Variants in TAFA4 observed in about 807,000 individuals in gnomAD.
TAFA4 encodes chemokine-like protein TAFA-4.
A neutral mutation model predicts 21.1 loss-of-function variants in TAFA4; 20 were observed. The observed-to-expected ratio is 0.95, with a 90% CI of 0.67 to 1.38. TAFA4 has a LOEUF of 1.38. Among genes scored for constraint, TAFA4 ranks in the 40% most tolerant of loss-of-function variants. The probability of loss-of-function intolerance (pLI) is 0.00; values close to 1 mark genes in which losing one functional copy is unlikely to be tolerated. For synonymous variants in TAFA4, 71 were observed against 67.4 expected, an observed-to-expected ratio of 1.05 and a Z score of -0.26; for missense variants, 211 against 180.9, an observed-to-expected ratio of 1.17 and a Z score of -0.95.
intron 1 of TAFA4, among the ~76,000 whole-genome samples, chr3:68,905,680 G>A (rs1422446713): frequency 1.3e-5 from 2 of 152,100 alleles, no homozygotes; most frequent in Non-Finnish European, 2.9e-5. Context: ...TTAAGCAGTG[G>A]GAACAGCATG....
intron 3 of TAFA4, among the ~76,000 whole-genome samples, chr3:68,775,240 G>T (rs1703028301): frequency 6.6e-6 from 1 of 152,184 alleles, no homozygotes; most frequent in African/African-American, 2.4e-5. Context: ...TCCACTGGGT[G>T]CTCATGAGAA....
intron 1 of TAFA4, among the ~76,000 whole-genome samples, chr3:68,902,588 G>A (rs1467192787): frequency 3.9e-5 from 6 of 152,026 alleles, no homozygotes; most frequent in East Asian, 1.9e-4. Flanking sequence ...GGCTGGTCTC[G>A]AATTCCTGGG....
chr3:68,770,057 C>T (rs1189746694), intron 3 of TAFA4, among the ~76,000 whole-genome samples: 2 of 151,802 alleles, frequency 1.3e-5, no homozygotes, highest in African/African-American at 4.9e-5. Flanking sequence ...GGACTATGCC[C>T]AACCTCCAAG....
intron 3 of TAFA4, among the ~76,000 whole-genome samples, chr3:68,858,436 G>A (rs1018484345): frequency 6.6e-6 from 1 of 151,994 alleles, no homozygotes; most frequent in African/African-American, 2.4e-5. Context: ...AATGTTACTT[G>A]CTTTTCCCAA....
chr3:68,866,144 A>T (rs938919340), intron 3 of TAFA4, among the ~76,000 whole-genome samples: 2 of 152,100 alleles, frequency 1.3e-5, no homozygotes, highest in African/African-American at 4.8e-5. Context: ...CAGCTCACAA[A>T]ACTCAGCCCT....
At chr3:68,846,956 C>T (rs182624627) in intron 3 of TAFA4, among the ~76,000 whole-genome samples, 1 of 152,098 alleles carries the variant, frequency 6.6e-6, no homozygotes, top group African/African-American at 2.4e-5. Context: ...TCTGTCGACC[C>T]CTGCTGGGAG....
rs1182724806 is a variant in TAFA4, at chr3:68,849,464, A to T, written c.130+31266T>A. On this transcript the variant is annotated intron_variant, in intron 3 of 5. Transcript: ENST00000295569. ...GAAGTACAGTCACCCTGCTGGAGAG[A>T]CTCTGTGAGAGGCCCTAAGACTACA... is the stretch of plus-strand genomic sequence containing the variant. Among the ~76,000 whole-genome samples the T allele has an allele frequency of 3.3e-5, 5 of 152,084 alleles. No individual in the cohort carries two copies. The South Asian group carries it at 8.3e-4, about 25-fold the overall frequency.
Position 68,742,183 on chromosome 3 carries a change from C to A in TAFA4, c.287-2984G>T, listed in dbSNP as rs144391725. On this transcript the variant is annotated intron_variant, in intron 4 of 5. Coordinates refer to ENST00000295569, the MANE Select transcript of TAFA4 (RefSeq NM_182522.5). ...ATCCCTTTATGATAAAAACTCTCAA[C>A]AAAGATAATTTTATACAGAAGGAAT... Among the ~76,000 whole-genome samples, 606 of 143,730 alleles carry A rather than the reference C, an allele frequency of 4.2e-3. 5 individuals are homozygous for A. The highest frequency in any genetic ancestry group is 0.015 in the African/African-American group (582 of 39,526). 94.3% of individuals were successfully genotyped at this position (143,730 alleles called of 152,430 possible).
intron 3 of TAFA4, among the ~76,000 whole-genome samples, chr3:68,797,773 G>C (rs1202557367): frequency 6.6e-6 from 1 of 152,076 alleles, no homozygotes; most frequent in African/African-American, 2.4e-5. Flanking sequence ...GTAGAACGGT[G>C]GTTGTCAGAG....
chr3:68,763,469 T>C (rs886368856), intron 3 of TAFA4, among the ~76,000 whole-genome samples: 4 of 152,244 alleles, frequency 2.6e-5, no homozygotes, highest in South Asian at 2.1e-4. Context: ...TGGAACACTC[T>C]GTCTTTGTGA....
chr3:68,901,901 C>T (rs2106985467), intron 1 of TAFA4, among the ~76,000 whole-genome samples: 1 of 152,266 alleles, frequency 6.6e-6, no homozygotes, highest in East Asian at 1.9e-4. Context: ...ACCTCAAGCT[C>T]TTTATCTGAA....
chr3:68,832,917 C>T (rs563912758), intron 3 of TAFA4, among the ~76,000 whole-genome samples: 29 of 152,346 alleles, frequency 1.9e-4, no homozygotes, highest in African/African-American at 6.0e-4. Context: ...CAAGGGTGGA[C>T]GCCCCTTCCC....
At chr3:68,910,174 A>G (rs2089947370) in intron 1 of TAFA4, among the ~76,000 whole-genome samples, 1 of 152,222 alleles carries the variant, frequency 6.6e-6, no homozygotes, top group Admixed American at 6.5e-5. Flanking sequence ...TAGAAGTGAC[A>G]TCCTATCACC....
chr3:68,766,948 A>C (rs1485419541), intron 3 of TAFA4, among the ~76,000 whole-genome samples: 1 of 152,192 alleles, frequency 6.6e-6, no homozygotes, highest in African/African-American at 2.4e-5. Flanking sequence ...CAATGGACTC[A>C]TGCTTTTAAA....
intron 4 of TAFA4, among the ~76,000 whole-genome samples, chr3:68,742,353 A>AT (rs1037812679): frequency 3.2e-5 from 3 of 92,802 alleles, no homozygotes; most frequent in Non-Finnish European, 4.5e-5. Context: ...AAGAAGTTAA[A>AT]TTTTCTCTGC....
At chr3:68,829,297 G>T (rs559948408) in intron 3 of TAFA4, among the ~76,000 whole-genome samples, 1 of 152,072 alleles carries the variant, frequency 6.6e-6, no homozygotes, top group African/African-American at 2.4e-5. Flanking sequence ...CAAGAAATGG[G>T]GAAAGGATTC....
chr3:68,828,076 A>G (rs1704295204), intron 3 of TAFA4, among the ~76,000 whole-genome samples: 1 of 152,184 alleles, frequency 6.6e-6, no homozygotes, highest in African/African-American at 2.4e-5. Context: ...TAAGAAAGGG[A>G]TAGTTTCAGC....
At chr3:68,889,957 T>C (rs570342084) in intron 1 of TAFA4, among the ~76,000 whole-genome samples, 2 of 152,334 alleles carry the variant, frequency 1.3e-5, no homozygotes, top group Admixed American at 1.3e-4. Flanking sequence ...AGGACATTAT[T>C]GAGAAAATCA....
intron 1 of TAFA4, among the ~76,000 whole-genome samples, chr3:68,921,372 GA>G (rs932852929): frequency 2.6e-5 from 4 of 151,478 alleles, no homozygotes; most frequent in Admixed American, 6.6e-5. Context: ...AACAAGTGAA[GA>G]AAAAAAAGCA....
Sources: allele counts gnomAD v4.1 joint callset (sites outside exome capture counted in the v4.1 genomes callset), GRCh38; gene constraint gnomAD v4.1.1; transcripts MANE v1.5; gene names NCBI Gene and HGNC (gene_info 2026-07-23, HGNC 2026-07-21).